Variants in MAP2K5 observed in about 807,000 individuals in gnomAD.
The protein encoded by MAP2K5 is mitogen-activated protein kinase kinase 5, also known as dual specificity mitogen-activated protein kinase kinase 5.
Under a neutral mutation model 83.1 loss-of-function variants are expected in MAP2K5, and 49 were observed. The ratio of observed to expected loss-of-function variants is 0.59; its 90% CI spans 0.47 to 0.75. MAP2K5 has a LOEUF of 0.75. Ranked by LOEUF, MAP2K5 falls within the 30% of genes least tolerant of loss-of-function variation. The probability of loss-of-function intolerance (pLI) is 0.00; values close to 1 mark genes in which losing one functional copy is unlikely to be tolerated. For missense variants in MAP2K5, 457 were observed against 557.5 expected (o/e 0.82, Z 1.82); for synonymous variants, 202 against 191.8 (o/e 1.05, Z -0.44).
In MAP2K5 at chr15:67,775,325, T is replaced by G. The variant is rs1240380022; in HGVS notation, c.1242+2573T>G. ...CTTATGATGGTTTTCGGTCTTTATA[T>G]CCTAAGTGGAAGTATTTTAAAGTTG... On this transcript the variant is annotated intron_variant, in intron 21 of 21. Coordinates refer to ENST00000178640, the MANE Select transcript of MAP2K5 (RefSeq NM_145160.3). The surrounding 1 kb of genome is among the most constrained non-coding windows in gnomAD (Gnocchi z 5.3). Among the ~76,000 whole-genome samples the G allele has an allele frequency of 6.6e-6, 1 of 152,216 alleles. No individual in the cohort carries two copies. The highest frequency in any genetic ancestry group is 2.4e-5 in the African/African-American group (1 of 41,442).
rs1218269203 is a variant in MAP2K5 at position 67,747,046 on chromosome 15, TG to T, written c.1075-1184del. ...AAATAACTCTATGATCATAGGCAAGTGTAATACAGATGCTGGAAGGAAAGGA... is the reference window on the plus strand; with the variant it reads ...AAATAACTCTATGATCATAGGCAAGTTAATACAGATGCTGGAAGGAAAGGA... On this transcript the variant is annotated intron_variant, in intron 17 of 21. Coordinates refer to ENST00000178640, the MANE Select transcript of MAP2K5 (RefSeq NM_145160.3). The surrounding 1 kb of genome is among the most constrained non-coding windows in gnomAD (Gnocchi z 4.1). Among the ~76,000 whole-genome samples the T allele has an allele frequency of 6.6e-6, 1 of 152,116 alleles. No homozygotes were observed. Among genetic ancestry groups the T allele is most frequent in the East Asian group, 1.9e-4 (1 of 5,196 alleles).
At chr15:67,656,145 C>G (rs1776563584) in intron 11 of MAP2K5, among the ~76,000 whole-genome samples, 1 of 152,066 alleles carries the variant, frequency 6.6e-6, no homozygotes, top group Admixed American at 6.6e-5. Flanking sequence ...GCAAAAAGTT[C>G]AAACCTACCG....
chr15:67,723,057 A>G (rs1204729568), intron 16 of MAP2K5, among the ~76,000 whole-genome samples: 1 of 152,184 alleles, frequency 6.6e-6, no homozygotes, highest in African/African-American at 2.4e-5. Flanking sequence ...TGAGTAGGAG[A>G]CTTGATTACT....
At chr15:67,634,470 G>A (rs1401652999) in intron 9 of MAP2K5, among the ~76,000 whole-genome samples, 2 of 146,040 alleles carry the variant, frequency 1.4e-5, no homozygotes, top group Non-Finnish European at 3.0e-5. Flanking sequence ...TTGGCTGATA[G>A]TGTTATTCAG....
intron 3 of MAP2K5, among the ~76,000 whole-genome samples, chr15:67,579,833 A>T (rs1478944010): frequency 6.6e-6 from 1 of 152,238 alleles, no homozygotes. Flanking sequence ...TTTCCTAAAC[A>T]TATCGTATTT....
At chr15:67,615,732 C>A (rs979199551) in intron 8 of MAP2K5, among the ~76,000 whole-genome samples, 3 of 151,962 alleles carry the variant, frequency 2.0e-5, no homozygotes, top group Non-Finnish European at 4.4e-5. Flanking sequence ...ATTAGCTGAA[C>A]CACAGCTGGT....
intron 19 of MAP2K5, among the ~76,000 whole-genome samples, chr15:67,759,454 GGAGGCT>G (rs1354048835): frequency 6.6e-6 from 1 of 151,916 alleles, no homozygotes; most frequent in Non-Finnish European, 1.5e-5. Flanking sequence ...CAGCTACTCA[GGAGGCT>G]GAGGTGGGAG....
chr15:67,580,199 C>G (rs2085149672), intron 3 of MAP2K5, among the ~76,000 whole-genome samples: 1 of 152,180 alleles, frequency 6.6e-6, no homozygotes, highest in East Asian at 1.9e-4. Context: ...AAGGCTAAAG[C>G]ATAAAAGGTA....
In MAP2K5 at chr15:67,565,568, A is replaced by G. The variant is rs747506902; in HGVS notation, c.252+2218A>G. The stretch of plus-strand genomic sequence containing the variant: ...TAAATTCTGAATAATTTGGGTTTAT[A>G]TAATACCTTAGTTGTGATTTCTGCA... On this transcript the variant is annotated intron_variant, in intron 3 of 21. Coordinates refer to ENST00000178640, the MANE Select transcript of MAP2K5 (RefSeq NM_145160.3). The surrounding 1 kb of genome is among the most constrained non-coding windows in gnomAD (Gnocchi z 4.1). Among the ~76,000 whole-genome samples the G allele has an allele frequency of 2.6e-5, 4 of 151,996 alleles. No individual in the cohort carries two copies. The highest frequency in any genetic ancestry group is 6.6e-5 in the Admixed American group (1 of 15,250).
chr15:67,688,649 C>T (rs937900493), intron 13 of MAP2K5, among the ~76,000 whole-genome samples: 2 of 152,114 alleles, frequency 1.3e-5, no homozygotes, highest in African/African-American at 4.8e-5. Flanking sequence ...AATGATAATA[C>T]ACTTAAAGAA....
rs928967930 is a variant in MAP2K5, at chr15:67,736,818, G to A, written c.1074+8873G>A. ...CTATTATCTCTCCCTCTTAAGCTCT[G>A]CGGTCCACTAGGCCTTCCACTTCTC... On this transcript the variant is annotated intron_variant, in intron 17 of 21. Transcript: ENST00000178640. The surrounding 1 kb of genome is among the most constrained non-coding windows in gnomAD (Gnocchi z 4.3). Among the ~76,000 whole-genome samples, 3 of 152,178 alleles carry A rather than the reference G, an allele frequency of 2.0e-5. No homozygotes were observed. Among genetic ancestry groups the A allele is most frequent in the African/African-American group, 7.2e-5 (3 of 41,436 alleles).
rs1382756758 is a variant in MAP2K5 at position 67,750,013 on chromosome 15, C to T, written c.1134+1412C>T. Among the ~76,000 whole-genome samples, 1 of 152,176 alleles carries T rather than the reference C, an allele frequency of 6.6e-6. No individual in the cohort carries two copies. Among genetic ancestry groups the T allele is most frequent in the African/African-American group, 2.4e-5 (1 of 41,444 alleles). On this transcript the variant is annotated intron_variant, in intron 19 of 21. Coordinates refer to ENST00000178640, the MANE Select transcript of MAP2K5 (RefSeq NM_145160.3). This position sits in a 1 kb window ranked among gnomAD's most constrained non-coding sequence, Gnocchi z 4.2. The stretch of plus-strand genomic sequence containing the variant: ...TTCCTCACCAATACTATGTGTGTTT[C>T]TCATTTGAATGTTTTCTGCATCAAA...
intron 19 of MAP2K5, among the ~76,000 whole-genome samples, chr15:67,767,509 C>T (rs564939109): frequency 1.4e-4 from 21 of 152,314 alleles, no homozygotes; most frequent in Non-Finnish European, 2.8e-4. Context: ...GAGAAGCTTC[C>T]TCACTGATCA....
At chr15:67,576,392 C>G (rs1266340027) in intron 3 of MAP2K5, among the ~76,000 whole-genome samples, 1 of 147,948 alleles carries the variant, frequency 6.8e-6, no homozygotes, top group Non-Finnish European at 1.5e-5. Flanking sequence ...CTGTAGTAAA[C>G]TTGCAAACAA....
In MAP2K5 at chr15:67,662,709, G is replaced by A. The variant is rs117365064; in HGVS notation, c.799-1888G>A. ...TGTCACCCATATACTTAGGGTCATG[G>A]AAACATCTTTTTTTCAGTATCTCAT... is the stretch of plus-strand genomic sequence containing the variant. On this transcript the variant is annotated intron_variant, in intron 12 of 21. Coordinates refer to ENST00000178640, the MANE Select transcript of MAP2K5 (RefSeq NM_145160.3). Among the ~76,000 whole-genome samples the A allele has an allele frequency of 8.9e-3, 1,359 of 152,212 alleles. 13 individuals are homozygous for A. The highest frequency in any genetic ancestry group is 0.037 in the Middle Eastern group (11 of 294).
chr15:67,721,514 T>C (rs2088959731), intron 16 of MAP2K5, among the ~76,000 whole-genome samples: 1 of 152,252 alleles, frequency 6.6e-6, no homozygotes. Flanking sequence ...TTATTTGCTG[T>C]GGCTCACCCA....
rs1369018026 is a variant in MAP2K5 at position 67,587,039 on chromosome 15, A to G, written c.431+126A>G. On this transcript the variant is annotated intron_variant, in intron 6 of 21. Coordinates refer to ENST00000178640, the MANE Select transcript of MAP2K5 (RefSeq NM_145160.3). The surrounding 1 kb of genome is among the most constrained non-coding windows in gnomAD (Gnocchi z 4.8). ...CTAGCTACGTATTGACCAAAGAGAA[A>G]GGACCTCATATGGAAAGATGAATGT... is the stretch of plus-strand genomic sequence containing the variant. 1 of 877,172 alleles carries G rather than the reference A, an allele frequency of 1.1e-6. No individual in the cohort carries two copies. The highest frequency in any genetic ancestry group is 1.6e-5 in the African/African-American group (1 of 60,648). The allele number at this position is 877,172 out of a possible 1,614,324, so 54.3% of individuals were successfully genotyped here. A position where few individuals can be genotyped will look rare whatever the true frequency, so the allele number is the denominator to read the frequency against.
intron 3 of MAP2K5, among the ~76,000 whole-genome samples, chr15:67,575,446 A>C (rs2085034774): frequency 6.6e-6 from 1 of 152,124 alleles, no homozygotes. Context: ...ATCAGCACAG[A>C]TGTCTTCACA....
Position 67,585,901 on chromosome 15 carries a change from C to G in MAP2K5, c.334C>G (p.Pro112Ala), listed in dbSNP as rs757969715. The G allele has an allele frequency of 2.5e-6, 4 of 1,613,820 alleles. No individual in the cohort carries two copies. The highest frequency in any genetic ancestry group is 3.4e-6 in the Non-Finnish European group (4 of 1,179,856). The change falls in exon 5 of 22, where the codon CCT (proline) becomes GCT (alanine). Residue 112 changes from proline to alanine, a missense_variant. Pro to Ala is a conservative substitution (Grantham distance 27). Around this residue, in one of 3 missense-constraint regions of MAP2K5, gnomAD observed 234 missense variants for 243.6 expected, o/e 0.96. Transcript: ENST00000178640. ...LQIFPRACKPPGERNIHGLKV... is the reference protein window; with the variant it reads ...LQIFPRACKPAGERNIHGLKV... ...AATTACTGTTTCAGCCTGCAAGCCT[C>G]CTGGGGAACGGAACATACATGGCCT...
Sources: allele counts gnomAD v4.1 joint callset (sites outside exome capture counted in the v4.1 genomes callset), GRCh38; gene constraint gnomAD v4.1.1; regional missense constraint gnomAD v4.1.1; non-coding constraint Gnocchi (gnomAD v3.1); transcripts MANE v1.5; gene names NCBI Gene and HGNC (gene_info 2026-07-23, HGNC 2026-07-21).